Variants in PELI2 observed in about 807,000 individuals in gnomAD.
PELI2 encodes the protein pellino E3 ubiquitin protein ligase family member 2, also known as E3 ubiquitin-protein ligase pellino homolog 2.
Under a neutral mutation model 42.3 loss-of-function variants are expected in PELI2, and 23 were observed. The observed-to-expected ratio is 0.54, with a 90% CI of 0.39 to 0.77. PELI2 has a LOEUF of 0.77. PELI2 is among the 30% of genes least tolerant of loss of function. The pLI, the probability that PELI2 is intolerant of heterozygous loss-of-function variation, is 0.00. For missense variants in PELI2, 463 were observed against 553.2 expected, an observed-to-expected ratio of 0.84 and a Z score of 1.64; for synonymous variants, 245 against 212.2, an observed-to-expected ratio of 1.15 and a Z score of -1.34.
intron 2 of PELI2, among the ~76,000 whole-genome samples, chr14:56,203,715 G>A (rs1886419864): frequency 6.6e-6 from 1 of 152,156 alleles, no homozygotes; most frequent in South Asian, 2.1e-4. Flanking sequence ...TCCTGAGCAA[G>A]ATAGATCTCA....
intron 1 of PELI2, among the ~76,000 whole-genome samples, chr14:56,159,104 AATTTGCATGTGAAACACAGAGT>A (rs1884667979): frequency 6.6e-6 from 1 of 152,232 alleles, no homozygotes; most frequent in South Asian, 2.1e-4. Context: ...TGCTTAAGTT[AATTTGCATGTGAAACACAGAGT>A]ATCAGCTAAT....
At chr14:56,286,558 A>C (rs1319852521) in intron 3 of PELI2, among the ~76,000 whole-genome samples, 1 of 152,240 alleles carries the variant, frequency 6.6e-6, no homozygotes, top group Non-Finnish European at 1.5e-5. Context: ...GAAATTCAGA[A>C]GCACCCTGGC....
intron 2 of PELI2, among the ~76,000 whole-genome samples, chr14:56,195,898 A>G (rs943205335): frequency 6.6e-6 from 1 of 152,216 alleles, no homozygotes; most frequent in Non-Finnish European, 1.5e-5. Flanking sequence ...GCAGCATGTG[A>G]CAGTGCTCCG....
At chr14:56,263,775 C>T (rs1424891234) in intron 2 of PELI2, among the ~76,000 whole-genome samples, 1 of 152,034 alleles carries the variant, frequency 6.6e-6, no homozygotes, top group Non-Finnish European at 1.5e-5. Context: ...TTAATGGGTG[C>T]AAACATTTTT....
chr14:56,252,128 T>C (rs759136709), intron 2 of PELI2, among the ~76,000 whole-genome samples: 1 of 152,220 alleles, frequency 6.6e-6, no homozygotes, highest in Admixed American at 6.5e-5. Context: ...TACCAGAAAT[T>C]GTGCAGTAAG....
intron 2 of PELI2, among the ~76,000 whole-genome samples, chr14:56,226,075 GAA>G (rs34366845): frequency 6.7e-6 from 1 of 149,230 alleles, no homozygotes; most frequent in Non-Finnish European, 1.5e-5. Flanking sequence ...TACCAAACAG[GAA>G]AAAAAAAAGA....
At chr14:56,279,521 T>C (rs1889403773) in intron 2 of PELI2, among the ~76,000 whole-genome samples, 155 bp from the exon 3 acceptor site, 1 of 152,208 alleles carries the variant, frequency 6.6e-6, no homozygotes, top group Admixed American at 6.5e-5. Context: ...TTGTCTGTGA[T>C]TGACGGAATA....
chr14:56,160,358 G>A (rs1884715298), intron 1 of PELI2, among the ~76,000 whole-genome samples: 1 of 152,154 alleles, frequency 6.6e-6, no homozygotes, highest in East Asian at 1.9e-4. Flanking sequence ...ATTTGGCATT[G>A]GAGGCAGAGC....
chr14:56,156,786 T>C (rs531279174), intron 1 of PELI2, among the ~76,000 whole-genome samples: 7 of 152,326 alleles, frequency 4.6e-5, no homozygotes, highest in African/African-American at 1.7e-4. Context: ...TAGTGGCTAC[T>C]ATGTTGGACA....
Position 56,290,723 on chromosome 14 carries a change from C to T in PELI2, c.696+267C>T, listed in dbSNP as rs530798317. 4.6e-5 allele frequency among the ~76,000 whole-genome samples: 7 copies of T among 152,280 alleles called. No homozygotes were observed. In the South Asian group the frequency reaches 8.3e-4, roughly 18 times the overall value. ...GAGCATTATCTTTTATTATATACCT[C>T]ACCACAAAAATCTACTTAAATTCAC... is the stretch of plus-strand genomic sequence containing the variant. On this transcript the variant is annotated intron_variant, in intron 5 of 5. Coordinates refer to ENST00000267460, the MANE Select transcript of PELI2 (RefSeq NM_021255.3).
rs72717979 is a variant in PELI2 at position 56,220,190 on chromosome 14, T to C, written c.207+41726T>C. Among the ~76,000 whole-genome samples the C allele has an allele frequency of 4.3e-3, 661 of 152,300 alleles. 1 individual carries two copies. The highest frequency in any genetic ancestry group is 7.9e-3 in the Non-Finnish European group (534 of 68,022). ...CTGCTGACTCAGTGTGACAGAGCAC[T>C]GTTGCCAGTGCCCAGGTGACTGCAG... On this transcript the variant is annotated intron_variant, in intron 2 of 5. Transcript: ENST00000267460.
intron 1 of PELI2, among the ~76,000 whole-genome samples, chr14:56,131,542 T>C (rs1269750674): frequency 6.6e-6 from 1 of 152,154 alleles, no homozygotes; most frequent in East Asian, 1.9e-4. Context: ...AATCAGCAGG[T>C]TCTGCTAATG....
At chr14:56,244,178 T>C (rs554793666) in intron 2 of PELI2, among the ~76,000 whole-genome samples, 1 of 152,296 alleles carries the variant, frequency 6.6e-6, no homozygotes, top group East Asian at 1.9e-4. Context: ...CATAGTTACA[T>C]TCATCCTAGC....
At chr14:56,294,006 C>T (rs1254099670) in intron 5 of PELI2, among the ~76,000 whole-genome samples, 3 of 152,150 alleles carry the variant, frequency 2.0e-5, no homozygotes, top group African/African-American at 7.2e-5. Flanking sequence ...AGCCTCACGT[C>T]ACCAGTTAGA....
intron 3 of PELI2, among the ~76,000 whole-genome samples, chr14:56,282,633 G>C (rs1889518495): frequency 6.6e-6 from 1 of 151,820 alleles, no homozygotes; most frequent in African/African-American, 2.4e-5. Context: ...TATAAAAATA[G>C]TTATTAAAGT....
At chr14:56,206,059 A>G (rs1168449637) in intron 2 of PELI2, among the ~76,000 whole-genome samples, 1 of 152,326 alleles carries the variant, frequency 6.6e-6, no homozygotes, top group East Asian at 1.9e-4. Context: ...TGTGGCAACT[A>G]TTCAGAAGTT....
rs139626412 is a variant in PELI2 at position 56,274,717 on chromosome 14, G to T, written c.208-4959G>T. Among the ~76,000 whole-genome samples the T allele has an allele frequency of 9.2e-4, 140 of 152,298 alleles. 2 individuals carry two copies. The highest frequency in any genetic ancestry group is 3.1e-3 in the African/African-American group (129 of 41,568). ...TCTCATCCCTGAATGGCAAAGGCTG[G>T]CAGAGCTGAGCCTGTGACACAAGCA... is the stretch of plus-strand genomic sequence containing the variant. On this transcript the variant is annotated intron_variant, in intron 2 of 5. Transcript: ENST00000267460.
intron 2 of PELI2, among the ~76,000 whole-genome samples, chr14:56,189,755 A>G (rs1000731852): frequency 2.0e-5 from 3 of 152,258 alleles, no homozygotes; most frequent in African/African-American, 7.2e-5. Flanking sequence ...TTGATAGATT[A>G]AAAATTAAAA....
At position 56,250,861 on chromosome 14, in the gene PELI2, A is replaced by G. The variant is rs1017841701; in HGVS notation, c.208-28815A>G. Among the ~76,000 whole-genome samples the G allele has an allele frequency of 1.1e-4, 17 of 152,348 alleles. No homozygotes were observed. The East Asian group carries it at 3.1e-3, about 28-fold the overall frequency. ...GTTCACACTCAGTATTAACCATCAC[A>G]GAAAGCCTGTGCAAGTGATTTACTG... On this transcript the variant is annotated intron_variant, in intron 2 of 5. Transcript: ENST00000267460.
Sources: allele counts gnomAD v4.1 joint callset (sites outside exome capture counted in the v4.1 genomes callset), GRCh38; gene constraint gnomAD v4.1.1; transcripts MANE v1.5; gene names NCBI Gene and HGNC (gene_info 2026-07-23, HGNC 2026-07-21).